The following PTPRM variants were observed in gnomAD, a reference collection of about 807,000 sequenced individuals.
The protein encoded by PTPRM is protein tyrosine phosphatase receptor type M, also known as receptor-type tyrosine-protein phosphatase mu.
A neutral mutation model predicts 186.7 loss-of-function variants in PTPRM; 47 were observed. The ratio of observed to expected loss-of-function variants is 0.25; its 90% CI spans 0.20 to 0.32. PTPRM has a LOEUF of 0.32. PTPRM is among the 10% of genes least tolerant of loss of function. The pLI, the probability that PTPRM is intolerant of heterozygous loss-of-function variation, is 1.00. For missense variants in PTPRM, 1,494 were observed against 1,865.0 expected (o/e 0.80, Z 3.66); for synonymous variants, 668 against 674.9 (o/e 0.99, Z 0.16).
chr18:7,893,113 G>T (rs1310339078), intron 3 of PTPRM, among the ~76,000 whole-genome samples: 8 of 152,050 alleles, frequency 5.3e-5, no homozygotes, highest in Admixed American at 1.3e-4. Flanking sequence ...TTTTTTTGTT[G>T]TTGGGAAAAT....
intron 1 of PTPRM, among the ~76,000 whole-genome samples, chr18:7,679,799 A>G (rs1294131498): frequency 6.6e-6 from 1 of 152,218 alleles, no homozygotes; most frequent in Non-Finnish European, 1.5e-5. Flanking sequence ...CTAAAACAAT[A>G]GGAAGACTGT....
At chr18:7,578,624 A>C (rs536024713) in intron 1 of PTPRM, among the ~76,000 whole-genome samples, 177 of 147,852 alleles carry the variant, frequency 1.2e-3, no homozygotes, top group African/African-American at 3.4e-3. Flanking sequence ...CGTGAGCCAC[A>C]GCGCCTGGCC....
At chr18:7,675,204 G>C (rs141361305) in intron 1 of PTPRM, among the ~76,000 whole-genome samples, 3 of 152,252 alleles carry the variant, frequency 2.0e-5, no homozygotes, top group African/African-American at 7.2e-5. Context: ...TATTGTTGGC[G>C]GAGTCCTTAG....
intron 17 of PTPRM, among the ~76,000 whole-genome samples, chr18:8,249,782 T>TCA (rs1379854642): frequency 6.6e-6 from 1 of 152,230 alleles, no homozygotes; most frequent in Non-Finnish European, 1.5e-5. Context: ...TGATTAGTTT[T>TCA]CTTTACTGAA....
intron 4 of PTPRM, among the ~76,000 whole-genome samples, chr18:7,925,474 C>G (rs1197955472): frequency 6.6e-6 from 1 of 152,104 alleles, no homozygotes; most frequent in Non-Finnish European, 1.5e-5. Flanking sequence ...TTCCTAATTA[C>G]GTTCTGCCCA....
chr18:8,383,275 C>T (rs573839027), intron 29 of PTPRM, among the ~76,000 whole-genome samples: 151 of 114,578 alleles, frequency 1.3e-3, no homozygotes, highest in African/African-American at 4.9e-3. Context: ...TCCAACCTGG[C>T]GACAGAACGA....
chr18:7,760,564 T>G (rs1166570705), intron 1 of PTPRM, among the ~76,000 whole-genome samples: 1 of 152,106 alleles, frequency 6.6e-6, no homozygotes, highest in Non-Finnish European at 1.5e-5. Context: ...ATCCAAGTCA[T>G]CATGCTTTTT....
chr18:8,035,286 T>C (rs2086247670), intron 7 of PTPRM, among the ~76,000 whole-genome samples: 1 of 152,200 alleles, frequency 6.6e-6, no homozygotes, highest in Non-Finnish European at 1.5e-5. Context: ...AAAAGTTTAA[T>C]TCTTAGATTT....
chr18:7,587,223 C>T (rs890407883), intron 1 of PTPRM, among the ~76,000 whole-genome samples: 10 of 152,154 alleles, frequency 6.6e-5, no homozygotes, highest in African/African-American at 1.9e-4. Context: ...ACTGGGCTTT[C>T]GATGAAATAG....
chr18:7,669,492 T>C (rs1432880871), intron 1 of PTPRM, among the ~76,000 whole-genome samples: 1 of 152,172 alleles, frequency 6.6e-6, no homozygotes, highest in African/African-American at 2.4e-5. Flanking sequence ...AGCTGATTTA[T>C]AAAGCATGTG....
At chr18:8,000,215 T>G (rs964374397) in intron 7 of PTPRM, among the ~76,000 whole-genome samples, 4 of 152,178 alleles carry the variant, frequency 2.6e-5, no homozygotes, top group Non-Finnish European at 4.4e-5. Flanking sequence ...GCCTCTCACC[T>G]TGTCAACCTG....
At chr18:7,700,870 C>T (rs1274091232) in intron 1 of PTPRM, among the ~76,000 whole-genome samples, 5 of 150,584 alleles carry the variant, frequency 3.3e-5, no homozygotes, top group Non-Finnish European at 7.4e-5. Flanking sequence ...TATACCTGTA[C>T]TCCCAGCTAA....
intron 1 of PTPRM, among the ~76,000 whole-genome samples, chr18:7,725,855 A>G (rs1328401975): frequency 1.3e-5 from 2 of 152,176 alleles, no homozygotes; most frequent in African/African-American, 4.8e-5. Flanking sequence ...ACGCCAGAGA[A>G]GAACTTGGGT....
intron 24 of PTPRM, 25 bp from the exon 25 acceptor site, chr18:8,376,021 T>C: frequency 6.3e-7 from 1 of 1,593,664 alleles, no homozygotes; most frequent in Non-Finnish European, 8.6e-7. Context: ...TTCTCTTCCT[T>C]GTTCTGGCTA....
intron 17 of PTPRM, among the ~76,000 whole-genome samples, chr18:8,249,025 C>A (rs750622799): frequency 7.9e-5 from 12 of 152,156 alleles, no homozygotes; most frequent in Non-Finnish European, 1.3e-4. Flanking sequence ...CATAAATAAC[C>A]TGAGTGTATC....
intron 22 of PTPRM, among the ~76,000 whole-genome samples, chr18:8,337,301 A>T (rs546344760): frequency 5.0e-4 from 76 of 152,288 alleles, no homozygotes; most frequent in African/African-American, 1.8e-3. Flanking sequence ...AGTAGCTGGA[A>T]TTACATCAGT....
chr18:7,683,083 A>C (rs572023094), intron 1 of PTPRM, among the ~76,000 whole-genome samples: 1 of 152,066 alleles, frequency 6.6e-6, no homozygotes, highest in African/African-American at 2.4e-5. Flanking sequence ...ATCAATGAGG[A>C]AGAACAGTCT....
intron 7 of PTPRM, among the ~76,000 whole-genome samples, chr18:8,014,383 G>A (rs2084728082): frequency 6.6e-6 from 1 of 152,040 alleles, no homozygotes; most frequent in African/African-American, 2.4e-5. Flanking sequence ...TGTTTTTGAA[G>A]AAGTGACATT....
At chr18:8,173,433 T>C (rs904625064) in intron 14 of PTPRM, among the ~76,000 whole-genome samples, 8 of 152,210 alleles carry the variant, frequency 5.3e-5, no homozygotes, top group African/African-American at 1.7e-4. Flanking sequence ...ACAAATAATA[T>C]GAGTCAATTT....
Sources: gnomAD v4.1 joint callset for allele counts (sites outside exome capture counted in the v4.1 genomes callset) on GRCh38, gnomAD v4.1.1 for gene constraint, MANE v1.5 for transcripts, NCBI Gene and HGNC (gene_info 2026-07-23, HGNC 2026-07-21) for gene names.